Variants in DAB1 observed in about 807,000 individuals in gnomAD.
The protein encoded by DAB1 is disabled homolog 1.
DAB1 carries 15 observed loss-of-function variants against 64.6 expected under a neutral mutation model. The ratio of observed to expected loss-of-function variants is 0.23; its 90% confidence interval spans 0.16 to 0.36. The LOEUF (loss-of-function observed/expected upper bound fraction) is 0.36, where lower values mean the gene tolerates loss of function less well. DAB1 is among the 10% of genes least tolerant of loss of function. DAB1 has a pLI of 1.00. For missense variants in DAB1, 596 were observed against 706.7 expected (o/e 0.84, Z 1.78); for synonymous variants, 235 against 251.9 (o/e 0.93, Z 0.64).
intron 5 of DAB1, among the ~76,000 whole-genome samples, chr1:57,960,202 C>T (rs925423587): frequency 5.9e-5 from 9 of 152,124 alleles, no homozygotes; most frequent in African/African-American, 1.9e-4. Flanking sequence ...GCAGTGGCCA[C>T]GTCATAGGCT....
chr1:57,491,268 A>G (rs1439370021), intron 7 of DAB1, among the ~76,000 whole-genome samples: 1 of 152,032 alleles, frequency 6.6e-6, no homozygotes, highest in Non-Finnish European at 1.5e-5. Context: ...CTCTACTAAA[A>G]ATACAAAAAA....
intron 5 of DAB1, among the ~76,000 whole-genome samples, chr1:58,007,766 C>T (rs1459680771): frequency 1.2e-4 from 19 of 152,144 alleles, no homozygotes; most frequent in Admixed American, 1.1e-3. Context: ...CTGTTCACTC[C>T]TCCCAATGGA....
chr1:57,808,858 A>G (rs1337318814), intron 6 of DAB1, among the ~76,000 whole-genome samples: 1 of 152,170 alleles, frequency 6.6e-6, no homozygotes. Flanking sequence ...CATGTCATTT[A>G]TCCTTTGCTG....
intron 3 of DAB1, among the ~76,000 whole-genome samples, chr1:58,424,096 G>A (rs561409603): frequency 1.3e-5 from 2 of 152,166 alleles, no homozygotes; most frequent in Non-Finnish European, 2.9e-5. Context: ...AGAGGTGAAG[G>A]GGGAGGGAGA....
intron 2 of DAB1, among the ~76,000 whole-genome samples, chr1:57,182,496 T>A (rs1390440957): frequency 6.6e-6 from 1 of 152,238 alleles, no homozygotes; most frequent in Non-Finnish European, 1.5e-5. Flanking sequence ...CAAGGCCCCT[T>A]ACTGTTTACA....
Position 57,553,537 on chromosome 1 carries a change from A to T in DAB1, n.625+96055T>A. Among the ~76,000 whole-genome samples the T allele has an allele frequency of 1.3e-5, 2 of 149,114 alleles. 1 individual carries two copies. Among genetic ancestry groups the T allele is most frequent in the Non-Finnish European group, 3.0e-5 (2 of 66,744 alleles). ...GAGAGAGAAGAGGCATGTACAACAA[A>T]TTCAGACCACTAGGAAAACAACTTA... is the stretch of plus-strand genomic sequence containing the variant. On this transcript the variant is annotated intron_variant and non_coding_transcript_variant, in intron 7 of 20. Transcript: ENST00000485760.
At chr1:57,438,734 T>C (rs1012637677) in intron 7 of DAB1, among the ~76,000 whole-genome samples, 3 of 152,174 alleles carry the variant, frequency 2.0e-5, no homozygotes, top group Non-Finnish European at 4.4e-5. Context: ...TTCTTTTTTT[T>C]CACATGATGT....
chr1:57,023,957 A>C (rs1026620926), intron 10 of DAB1, among the ~76,000 whole-genome samples: 4 of 151,784 alleles, frequency 2.6e-5, no homozygotes, highest in South Asian at 2.1e-4. Context: ...TTGAGCCCCT[A>C]CTCCCTGGGG....
intron 6 of DAB1, among the ~76,000 whole-genome samples, chr1:57,664,447 T>A (rs1049997727): frequency 6.6e-6 from 1 of 152,220 alleles, no homozygotes; most frequent in Admixed American, 6.5e-5. Flanking sequence ...TATAGCTAGG[T>A]AAATTGCTCC....
At chr1:58,311,140 G>A (rs1043183594) in intron 4 of DAB1, among the ~76,000 whole-genome samples, 7 of 152,092 alleles carry the variant, frequency 4.6e-5, no homozygotes, top group Admixed American at 3.9e-4. Context: ...TCCTTGGCCT[G>A]CCTTTAGCAA....
At chr1:58,285,838 A>G (rs1471340687) in intron 4 of DAB1, among the ~76,000 whole-genome samples, 1 of 152,236 alleles carries the variant, frequency 6.6e-6, no homozygotes, top group Non-Finnish European at 1.5e-5. Context: ...ATGGAACCAA[A>G]GAAGAGCCCA....
At chr1:57,267,422 A>G (rs1670670979) in intron 2 of DAB1, among the ~76,000 whole-genome samples, 1 of 152,234 alleles carries the variant, frequency 6.6e-6, no homozygotes, top group Middle Eastern at 3.2e-3. Flanking sequence ...AATCTCTGTC[A>G]TAAAGACAAG....
chr1:58,295,641 GA>G (rs1661952092), intron 4 of DAB1, among the ~76,000 whole-genome samples: 1 of 152,132 alleles, frequency 6.6e-6, no homozygotes, highest in Admixed American at 6.5e-5. Flanking sequence ...GTAGATGAGA[GA>G]TTTTTTTGTT....
intron 4 of DAB1, among the ~76,000 whole-genome samples, chr1:57,133,575 T>G (rs944997261): frequency 7.9e-5 from 12 of 152,188 alleles, no homozygotes; most frequent in Non-Finnish European, 1.5e-4. Context: ...AACAAGCTAA[T>G]AATAAAACAA....
intron 6 of DAB1, among the ~76,000 whole-genome samples, chr1:57,688,265 A>G (rs1424697918): frequency 6.6e-6 from 1 of 152,192 alleles, no homozygotes; most frequent in African/African-American, 2.4e-5. Context: ...ACATAAACAG[A>G]CACTTCTCAA....
chr1:57,874,084 C>T (rs906350710), intron 1 of DAB1: 1 of 152,044 alleles, frequency 6.6e-6, no homozygotes, highest in South Asian at 2.1e-4. Flanking sequence ...AAAGAACATA[C>T]CGAATGTCAG....
intron 5 of DAB1, among the ~76,000 whole-genome samples, chr1:58,131,747 G>A (rs1458008679): frequency 6.8e-6 from 1 of 147,860 alleles, no homozygotes; most frequent in African/African-American, 2.5e-5. Flanking sequence ...CCTGCTGGGG[G>A]GTGCCTCCCA....
chr1:57,812,751 G>C (rs1418129518), intron 6 of DAB1, among the ~76,000 whole-genome samples: 1 of 152,146 alleles, frequency 6.6e-6, no homozygotes, highest in Non-Finnish European at 1.5e-5. Flanking sequence ...TCTTTACATA[G>C]ATTCAATCAG....
At chr1:57,652,324 A>G (rs1005533991) in intron 6 of DAB1, among the ~76,000 whole-genome samples, 5 of 151,942 alleles carry the variant, frequency 3.3e-5, no homozygotes, top group African/African-American at 1.2e-4. Context: ...CACCCATATG[A>G]TTGCACCCCC....
Sources: gnomAD v4.1 joint callset for allele counts (sites outside exome capture counted in the v4.1 genomes callset) on GRCh38, gnomAD v4.1.1 for gene constraint, MANE v1.5 for transcripts, NCBI Gene and HGNC (gene_info 2026-07-23, HGNC 2026-07-21) for gene names.